Variants in CCDC171 observed in about 807,000 individuals in gnomAD.
The protein encoded by CCDC171 is coiled-coil domain-containing protein 171.
Under a neutral mutation model 168.2 loss-of-function variants are expected in CCDC171, and 177 were observed. The observed-to-expected ratio is 1.05, with a 90% CI of 0.93 to 1.19. The LOEUF (loss-of-function observed/expected upper bound fraction) is 1.19, where lower values mean the gene tolerates loss of function less well. Among genes scored for constraint, CCDC171 ranks in the 50% most tolerant of loss-of-function variants. The probability of loss-of-function intolerance (pLI) is 0.00; values close to 1 mark genes in which losing one functional copy is unlikely to be tolerated. For synonymous variants in CCDC171, 687 were observed against 540.8 expected, an observed-to-expected ratio of 1.27 and a Z score of -3.75; for missense variants, 1,991 against 1,539.0, an observed-to-expected ratio of 1.29 and a Z score of -4.91.
intron 25 of CCDC171, among the ~76,000 whole-genome samples, chr9:15,937,009 G>C (rs1371801730): frequency 2.6e-5 from 4 of 152,008 alleles, no homozygotes; most frequent in Admixed American, 2.0e-4. Context: ...AGTTAACTTT[G>C]CACTTTATCA....
intron 7 of CCDC171, among the ~76,000 whole-genome samples, chr9:15,646,063 A>G (rs1263542026): frequency 2.0e-5 from 3 of 152,240 alleles, no homozygotes; most frequent in Admixed American, 6.5e-5. Flanking sequence ...CAGAAACTCT[A>G]CAAGCCAGAA....
intron 10 of CCDC171, among the ~76,000 whole-genome samples, chr9:15,694,409 C>T (rs931119734): frequency 1.3e-5 from 2 of 152,130 alleles, no homozygotes; most frequent in African/African-American, 4.8e-5. Flanking sequence ...AGGCATTGTG[C>T]TGGTGTAGAG....
chr9:15,554,562 T>A (rs543430240), intron 1 of CCDC171, among the ~76,000 whole-genome samples: 4 of 152,156 alleles, frequency 2.6e-5, no homozygotes, highest in Non-Finnish European at 5.9e-5. Context: ...TCTTTATCTG[T>A]CAGATAAGGA....
intron 25 of CCDC171, among the ~76,000 whole-genome samples, chr9:15,944,367 C>T (rs1191707926): frequency 6.6e-6 from 1 of 151,642 alleles, no homozygotes; most frequent in African/African-American, 2.4e-5. Context: ...GAGGACTTGT[C>T]GATATATAGT....
At chr9:15,663,697 C>T (rs1214891724) in intron 8 of CCDC171, among the ~76,000 whole-genome samples, 1 of 151,592 alleles carries the variant, frequency 6.6e-6, no homozygotes, top group African/African-American at 2.4e-5. Flanking sequence ...GCTCTGCCTC[C>T]CAGATTCATG....
chr9:15,610,444 TAAAAAA>T lies in CCDC171; in HGVS notation c.676-12791_676-12786del, dbSNP rs754593075. Among the ~76,000 whole-genome samples, 27 of 12,714 alleles carry T rather than the reference TAAAAAA, an allele frequency of 2.1e-3. 1 individual carries two copies. Among genetic ancestry groups the T allele is most frequent in the South Asian group, 0.018 (4 of 218 alleles). The allele number at this position is 12,714 out of a possible 152,430, so 8.3% of individuals were successfully genotyped here. ...CAACATGGTGAAACCCCATCTCAAC[TAAAAAA>T]AAAAAAAAAAAAAAAAAAAAAAAAA... On this transcript the variant is annotated intron_variant, in intron 6 of 25. Transcript: ENST00000380701.
chr9:15,832,305 G>A (rs1197040353), intron 21 of CCDC171, among the ~76,000 whole-genome samples: 1 of 152,188 alleles, frequency 6.6e-6, no homozygotes, highest in Non-Finnish European at 1.5e-5. Context: ...TTCCTTAAAT[G>A]AGGTTACATT....
Position 16,047,970 on chromosome 9 carries a change from A to G in CCDC171, n.89+5084A>G, listed in dbSNP as rs148725430. 3.4e-3 allele frequency among the ~76,000 whole-genome samples: 524 copies of G among 152,312 alleles called. 3 individuals carry two copies. The highest frequency in any genetic ancestry group is 0.012 in the African/African-American group (510 of 41,572). On this transcript the variant is annotated intron_variant and non_coding_transcript_variant, in intron 1 of 1. Transcript: ENST00000478913. ...TGCTTCCTCATCTGACACAGAACCG[A>G]TGGCTCTCAGAGAGGTAGGGAGTGG...
chr9:16,029,051 A>G (rs1833324154), intron 6 of CCDC171, among the ~76,000 whole-genome samples: 1 of 151,890 alleles, frequency 6.6e-6, no homozygotes, highest in East Asian at 1.9e-4. Context: ...GACCCAGAAT[A>G]ATGTATCTAG....
Position 15,820,727 on chromosome 9 carries a change from G to T in CCDC171, c.3268-25975G>T, listed in dbSNP as rs1225775525. On this transcript the variant is annotated intron_variant, in intron 21 of 25. Transcript: ENST00000380701. ...ACCAACCAAAAAAAGTCCAGGACCA[G>T]ATGGATTCACAGCCGAATTCTACCA... is the stretch of plus-strand genomic sequence containing the variant. Among the ~76,000 whole-genome samples, 4 of 117,246 alleles carry T rather than the reference G, an allele frequency of 3.4e-5. 1 individual carries two copies. Among genetic ancestry groups the T allele is most frequent in the Admixed American group, 3.2e-4 (4 of 12,368 alleles). The allele number at this position is 117,246 out of a possible 152,430, so 76.9% of individuals were successfully genotyped here.
In CCDC171 at chr9:16,021,559, G is replaced by C. The variant is rs182457625; in HGVS notation, n.574+765G>C. 1.9e-3 allele frequency among the ~76,000 whole-genome samples: 292 copies of C among 152,294 alleles called. 1 individual carries two copies. Among genetic ancestry groups the C allele is most frequent in the Admixed American group, 3.4e-3 (52 of 15,300 alleles). ...GAATCAAAACCAGTTTCTGCGACTT[G>C]CTAGATTTGCAATAAATTGCTTAAT... On this transcript the variant is annotated intron_variant and non_coding_transcript_variant, in intron 4 of 9. Coordinates refer to the CCDC171 transcript ENST00000486641.
intron 3 of CCDC171, among the ~76,000 whole-genome samples, chr9:15,986,502 C>G (rs1364613431): frequency 6.6e-6 from 1 of 152,170 alleles, no homozygotes; most frequent in African/African-American, 2.4e-5. Flanking sequence ...CAAAGCCTTC[C>G]TTCAGTTATG....
chr9:16,069,275 G>T, the CCDC171 span, among the ~76,000 whole-genome samples: 1 of 152,264 alleles, frequency 6.6e-6, no homozygotes, highest in Non-Finnish European at 1.5e-5. Context: ...ATATGTGTGT[G>T]TGTTACCATT....
At chr9:15,633,566 A>G (rs1215727031) in intron 7 of CCDC171, among the ~76,000 whole-genome samples, 1 of 152,178 alleles carries the variant, frequency 6.6e-6, no homozygotes, top group African/African-American at 2.4e-5. Context: ...ACACTTTTAC[A>G]CTGTTGGTGG....
chr9:15,882,529 G>C (rs1818786982), intron 24 of CCDC171, among the ~76,000 whole-genome samples: 1 of 152,104 alleles, frequency 6.6e-6, no homozygotes, highest in African/African-American at 2.4e-5. Flanking sequence ...TCAGTGTCCT[G>C]GAGTGTTTCC....
chr9:15,894,800 C>G (rs1299239837), intron 24 of CCDC171, among the ~76,000 whole-genome samples: 4 of 152,082 alleles, frequency 2.6e-5, no homozygotes, highest in Non-Finnish European at 4.4e-5. Context: ...TCATTCCTTA[C>G]TAAAATAACC....
intron 6 of CCDC171, among the ~76,000 whole-genome samples, chr9:15,621,068 C>T (rs921628284): frequency 3.9e-5 from 6 of 152,110 alleles, no homozygotes; most frequent in Admixed American, 2.0e-4. Flanking sequence ...TGGGTTCAAG[C>T]GATTCTCCTG....
chr9:15,723,182 T>C (rs1466231712), intron 12 of CCDC171, among the ~76,000 whole-genome samples: 1 of 152,140 alleles, frequency 6.6e-6, no homozygotes, highest in African/African-American at 2.4e-5. Flanking sequence ...CAGGACCAAC[T>C]GATGACCTGC....
chr9:15,905,492 A>G (rs1822434120), intron 24 of CCDC171, among the ~76,000 whole-genome samples: 1 of 152,184 alleles, frequency 6.6e-6, no homozygotes, highest in South Asian at 2.1e-4. Context: ...AAGACACAAC[A>G]TACCAGAATC....
Sources: allele counts gnomAD v4.1 joint callset (sites outside exome capture counted in the v4.1 genomes callset), GRCh38; gene constraint gnomAD v4.1.1; transcripts MANE v1.5; gene names NCBI Gene and HGNC (gene_info 2026-07-23, HGNC 2026-07-21).